Variants in PARD3B observed in about 807,000 individuals in gnomAD.
PARD3B encodes partitioning defective 3 homolog B.
Under a neutral mutation model 130.2 loss-of-function variants are expected in PARD3B, and 103 were observed. The observed-to-expected ratio is 0.79, with a 90% confidence interval of 0.67 to 0.93. PARD3B has a LOEUF of 0.93. Among genes scored for constraint, PARD3B ranks in the 40% least tolerant of loss-of-function variants. The pLI, the probability that PARD3B is intolerant of heterozygous loss-of-function variation, is 0.00. For missense variants in PARD3B, 1,609 were observed against 1,499.2 expected (o/e 1.07, Z -1.21); for synonymous variants, 583 against 553.2 (o/e 1.05, Z -0.76).
rs371582594 is a variant in PARD3B at position 204,829,222 on chromosome 2, T to A, written c.223-135930T>A. Among the ~76,000 whole-genome samples the A allele has an allele frequency of 1.3e-4, 20 of 152,340 alleles. No homozygotes were observed. In the South Asian group the frequency reaches 4.1e-3, roughly 32 times the overall value. ...ATAGCCTATTGTAAATTCTATAAGT[T>A]CATAGTTAACCAACATTTACTGAAT... is the stretch of plus-strand genomic sequence containing the variant. On this transcript the variant is annotated intron_variant, in intron 2 of 22. Transcript: ENST00000406610.
intron 15 of PARD3B, among the ~76,000 whole-genome samples, chr2:205,216,896 C>G (rs562514825): frequency 6.6e-6 from 1 of 152,154 alleles, no homozygotes; most frequent in East Asian, 1.9e-4. Flanking sequence ...GTGAAGGTAC[C>G]AGAGGCCTAG....
intron 1 of PARD3B, 48 bp from the exon 2 acceptor site, chr2:204,686,133 C>CT (rs1393535520): frequency 2.3e-6 from 3 of 1,308,488 alleles, no homozygotes; most frequent in Non-Finnish European, 3.3e-6. Flanking sequence ...ATGTGTTTAA[C>CT]TTTTTAACAT....
At chr2:205,126,790 G>GAAAAA (rs2031480053) in intron 10 of PARD3B, among the ~76,000 whole-genome samples, 1 of 126,546 alleles carries the variant, frequency 7.9e-6, no homozygotes, top group Non-Finnish European at 1.6e-5. Flanking sequence ...AAAAAAAATT[G>GAAAAA]ATAATAGCAT....
intron 2 of PARD3B, among the ~76,000 whole-genome samples, chr2:204,851,836 G>A (rs983188058): frequency 1.3e-5 from 2 of 151,882 alleles, no homozygotes; most frequent in Non-Finnish European, 2.9e-5. Context: ...GGGATTACAG[G>A]CACCCACCAC....
At chr2:205,313,041 T>C (rs1259193094) in intron 18 of PARD3B, among the ~76,000 whole-genome samples, 5 of 152,180 alleles carry the variant, frequency 3.3e-5, no homozygotes, top group African/African-American at 4.8e-5. Context: ...AACCATAATA[T>C]GGATAGATTG....
chr2:204,897,385 G>GT (rs56693580), intron 2 of PARD3B, among the ~76,000 whole-genome samples: 68,000 of 127,412 alleles, frequency 0.53, 19,380 homozygotes, highest in South Asian at 0.69. Context: ...TGTAGGTACT[G>GT]TTTTTTTTTT....
chr2:205,083,743 G>T, intron 4 of PARD3B, among the ~76,000 whole-genome samples: 2 of 149,486 alleles, frequency 1.3e-5, no homozygotes, highest in Admixed American at 6.7e-5. Context: ...TTATTTTTTA[G>T]TGTTTTCAAC....
At chr2:204,670,816 A>G (rs2036263886) in intron 1 of PARD3B, among the ~76,000 whole-genome samples, 1 of 152,090 alleles carries the variant, frequency 6.6e-6, no homozygotes, top group Non-Finnish European at 1.5e-5. Flanking sequence ...ACTGGAGTTA[A>G]TGACTTTATT....
chr2:205,002,756 C>T (rs1208754503), intron 3 of PARD3B, among the ~76,000 whole-genome samples: 2 of 152,168 alleles, frequency 1.3e-5, no homozygotes, highest in African/African-American at 4.8e-5. Flanking sequence ...TCTAGTGGCT[C>T]CCCCTTTCAT....
chr2:205,301,889 T>C lies in PARD3B; in HGVS notation c.2630+188T>C, dbSNP rs1227006582. 3.4e-6 allele frequency: 3 copies of C among 871,014 alleles called. No homozygotes were observed. The highest frequency in any genetic ancestry group is 5.0e-5 in the East Asian group (2 of 40,040). The allele number at this position is 871,014 out of a possible 1,614,324, so 54.0% of individuals were successfully genotyped here. On this transcript the variant is annotated intron_variant, in intron 18 of 22. Transcript: ENST00000406610. This position sits in a 1 kb window ranked among gnomAD's most constrained non-coding sequence, Gnocchi z 5.2. Reference sequence around the variant, plus strand: ...AGCTTTTTGGGGAAAGTTACAGTGATGACAGGACACTGTCTTAAGTTTGTT... The same window carrying C: ...AGCTTTTTGGGGAAAGTTACAGTGACGACAGGACACTGTCTTAAGTTTGTT...
intron 4 of PARD3B, among the ~76,000 whole-genome samples, chr2:205,056,025 A>G (rs1192283963): frequency 6.6e-6 from 1 of 152,098 alleles, no homozygotes; most frequent in East Asian, 1.9e-4. Flanking sequence ...TGTCTTCCAT[A>G]GGTTCTGAAC....
chr2:205,239,897 C>T (rs868331549), intron 15 of PARD3B, among the ~76,000 whole-genome samples: 4 of 152,222 alleles, frequency 2.6e-5, no homozygotes, highest in African/African-American at 9.6e-5. Context: ...CACCATTATA[C>T]TAATTCCCTA....
chr2:204,868,689 C>T (rs1392044368), intron 2 of PARD3B, among the ~76,000 whole-genome samples: 10 of 152,094 alleles, frequency 6.6e-5, no homozygotes, highest in African/African-American at 2.2e-4. Context: ...TTTTTACTGT[C>T]GTTGTCATAA....
At chr2:205,531,677 A>G (rs770426419) in intron 21 of PARD3B, among the ~76,000 whole-genome samples, 4 of 152,104 alleles carry the variant, frequency 2.6e-5, no homozygotes, top group Non-Finnish European at 4.4e-5. Context: ...GAGACTGGAT[A>G]TGAAATGTCC....
intron 2 of PARD3B, among the ~76,000 whole-genome samples, chr2:204,884,498 A>G (rs2046198710): frequency 6.6e-6 from 1 of 151,966 alleles, no homozygotes; most frequent in Non-Finnish European, 1.5e-5. Flanking sequence ...CAGGATGTGC[A>G]GGTTTGTTAC....
chr2:205,047,366 G>A (rs1176432800), intron 3 of PARD3B, among the ~76,000 whole-genome samples: 1 of 152,138 alleles, frequency 6.6e-6, no homozygotes, highest in Non-Finnish European at 1.5e-5. Context: ...AATGCAACTG[G>A]GGAAAGATGA....
chr2:204,728,879 A>G (rs10490272), intron 2 of PARD3B, among the ~76,000 whole-genome samples: 28,755 of 152,166 alleles, frequency 0.19, 2,760 homozygotes, highest in African/African-American at 0.2. Flanking sequence ...TCAGAGAGAC[A>G]TTGGGAAGGA....
At chr2:205,608,705 T>G (rs1314310242) in intron 22 of PARD3B, among the ~76,000 whole-genome samples, 1 of 152,204 alleles carries the variant, frequency 6.6e-6, no homozygotes, top group Non-Finnish European at 1.5e-5. Context: ...ATTTTCCAGA[T>G]AATGTCTGCT....
At chr2:204,888,447 A>T (rs904002477) in intron 2 of PARD3B, among the ~76,000 whole-genome samples, 1 of 152,048 alleles carries the variant, frequency 6.6e-6, no homozygotes, top group Non-Finnish European at 1.5e-5. Context: ...TAAATGTGTT[A>T]GAAGGTGTGA....
Sources: allele counts gnomAD v4.1 joint callset (sites outside exome capture counted in the v4.1 genomes callset), GRCh38; gene constraint gnomAD v4.1.1; non-coding constraint Gnocchi (gnomAD v3.1); transcripts MANE v1.5; gene names NCBI Gene and HGNC (gene_info 2026-07-23, HGNC 2026-07-21).